Variants in CHST9 observed in about 807,000 individuals in gnomAD.
CHST9 encodes GalNAc-4-sulfotransferase 2.
In CHST9, 41 loss-of-function variants were observed where a neutral mutation model predicts 44.4. The ratio of observed to expected loss-of-function variants is 0.92; its 90% CI spans 0.72 to 1.20. The LOEUF is 1.20. Among genes scored for constraint, CHST9 ranks in the 50% most tolerant of loss-of-function variants. CHST9 has a pLI of 0.00. For missense variants in CHST9, 504 were observed against 516.5 expected (o/e 0.98, Z 0.23); for synonymous variants, 171 against 178.4 (o/e 0.96, Z 0.33).
chr18:27,031,541 CT>C (rs1361301715), intron 3 of CHST9, among the ~76,000 whole-genome samples: 1 of 152,214 alleles, frequency 6.6e-6, no homozygotes, highest in African/African-American at 2.4e-5. Context: ...GCTGGTATCC[CT>C]GGCTTCAGCA....
chr18:27,030,673 C>G (rs75835796), intron 3 of CHST9, among the ~76,000 whole-genome samples: 33 of 152,246 alleles, frequency 2.2e-4, no homozygotes, highest in Middle Eastern at 3.4e-3. Context: ...CTTTAGAGCA[C>G]GCTTTGTGTA....
intron 2 of CHST9, among the ~76,000 whole-genome samples, chr18:27,064,854 G>A (rs1434509229): frequency 1.3e-5 from 2 of 152,166 alleles, no homozygotes; most frequent in Admixed American, 1.3e-4. Context: ...GGGCAGGAGA[G>A]GAAGAGGCCA....
chr18:27,014,898 C>T (rs2057132698), intron 4 of CHST9, among the ~76,000 whole-genome samples: 1 of 152,052 alleles, frequency 6.6e-6, no homozygotes, highest in Non-Finnish European at 1.5e-5. Context: ...TAGGGTCTCT[C>T]TCTTTTCTAT....
At chr18:27,130,922 T>A (rs943770737) in intron 2 of CHST9, among the ~76,000 whole-genome samples, 1 of 152,084 alleles carries the variant, frequency 6.6e-6, no homozygotes, top group African/African-American at 2.4e-5. Flanking sequence ...TGTTAAAAAT[T>A]ATAGAGACAT....
intron 2 of CHST9, among the ~76,000 whole-genome samples, chr18:27,088,728 C>A (rs2058037517): frequency 1.3e-5 from 2 of 152,112 alleles, no homozygotes; most frequent in Admixed American, 1.3e-4. Context: ...TGCTGGGAAA[C>A]TTCCCTTAGG....
At chr18:27,062,093 C>T (rs1200375174) in intron 2 of CHST9, among the ~76,000 whole-genome samples, 1 of 152,180 alleles carries the variant, frequency 6.6e-6, no homozygotes. Flanking sequence ...TGAAGCTGCA[C>T]TCTGCTGCAG....
At chr18:26,923,062 A>T (rs1358802138) in intron 5 of CHST9, among the ~76,000 whole-genome samples, 1 of 152,254 alleles carries the variant, frequency 6.6e-6, no homozygotes. Context: ...CCTCCTATAC[A>T]TCAGGTTCTG....
intron 1 of CHST9, among the ~76,000 whole-genome samples, chr18:27,179,104 CTA>C (rs755634547): frequency 1.1e-4 from 15 of 135,790 alleles, no homozygotes; most frequent in African/African-American, 2.6e-4. Flanking sequence ...CTCTCTCTCT[CTA>C]TATATATATA....
At chr18:26,977,066 A>C (rs1304206006) in intron 4 of CHST9, among the ~76,000 whole-genome samples, 2 of 152,180 alleles carry the variant, frequency 1.3e-5, no homozygotes, top group Non-Finnish European at 2.9e-5. Flanking sequence ...CCTTCATGCA[A>C]AATTCATGGA....
chr18:27,151,090 C>A (rs977639583), intron 1 of CHST9, among the ~76,000 whole-genome samples: 1 of 151,978 alleles, frequency 6.6e-6, no homozygotes, highest in African/African-American at 2.4e-5. Context: ...GTGTAACAAC[C>A]ATAAATAGTA....
intron 2 of CHST9, among the ~76,000 whole-genome samples, chr18:27,110,314 C>T: frequency 6.6e-6 from 1 of 151,656 alleles, no homozygotes; most frequent in Non-Finnish European, 1.5e-5. Flanking sequence ...TTCTATTTAC[C>T]TCTTTCTGTT....
intron 1 of CHST9, among the ~76,000 whole-genome samples, chr18:27,162,658 C>T (rs1267712746): frequency 1.3e-5 from 2 of 152,138 alleles, no homozygotes; most frequent in Non-Finnish European, 2.9e-5. Context: ...GTTGGCCTGC[C>T]TTGCTAGATC....
chr18:27,104,395 A>T (rs1011490971), intron 2 of CHST9, among the ~76,000 whole-genome samples: 1 of 152,116 alleles, frequency 6.6e-6, no homozygotes, highest in African/African-American at 2.4e-5. Flanking sequence ...ATGGGTAGAA[A>T]TTTTTTTCAG....
chr18:26,919,349 T>C (rs1369059674), intron 5 of CHST9, among the ~76,000 whole-genome samples: 1 of 152,202 alleles, frequency 6.6e-6, no homozygotes, highest in Non-Finnish European at 1.5e-5. Context: ...TCAAAGCCCT[T>C]TGTGCTTCTT....
At chr18:26,929,365 A>C (rs924921743) in intron 5 of CHST9, among the ~76,000 whole-genome samples, 32 of 152,232 alleles carry the variant, frequency 2.1e-4, no homozygotes, top group Non-Finnish European at 4.3e-4. Context: ...AGAATTAACT[A>C]GATAAATGCA....
chr18:26,986,191 G>A (rs988670562), intron 4 of CHST9, among the ~76,000 whole-genome samples: 54 of 152,064 alleles, frequency 3.6e-4, no homozygotes, highest in African/African-American at 1.3e-3. Context: ...AGCAGGCAAG[G>A]ATATTTTAAA....
intron 4 of CHST9, among the ~76,000 whole-genome samples, chr18:27,018,450 A>T (rs1259381280): frequency 2.6e-5 from 4 of 152,176 alleles, no homozygotes; most frequent in African/African-American, 7.2e-5. Context: ...CCTACAAAAG[A>T]AAAAAACCCA....
intron 2 of CHST9, among the ~76,000 whole-genome samples, chr18:27,093,924 T>C (rs923161354): frequency 2.6e-5 from 4 of 152,216 alleles, no homozygotes; most frequent in African/African-American, 9.6e-5. Context: ...TGAGAGATGA[T>C]TGAATAATGC....
intron 4 of CHST9, among the ~76,000 whole-genome samples, chr18:26,969,814 G>A (rs1370424810): frequency 6.6e-6 from 1 of 152,190 alleles, no homozygotes; most frequent in African/African-American, 2.4e-5. Context: ...TTAAGCTTCA[G>A]TTTATCGTAT....
Sources: allele counts gnomAD v4.1 joint callset (sites outside exome capture counted in the v4.1 genomes callset), GRCh38; gene constraint gnomAD v4.1.1; transcripts MANE v1.5; gene names NCBI Gene and HGNC (gene_info 2026-07-23, HGNC 2026-07-21).